SLC35F3: variants seen among roughly 807,000 people sequenced by gnomAD.
SLC35F3 encodes the protein putative thiamine transporter SLC35F3.
SLC35F3 carries 25 observed loss-of-function variants against 49.9 expected under a neutral mutation model. The ratio of observed to expected loss-of-function variants is 0.50; its 90% CI spans 0.37 to 0.70. The LOEUF is 0.70. SLC35F3 is among the 30% of genes least tolerant of loss of function. The pLI is 0.00. For missense variants in SLC35F3, 525 were observed against 639.8 expected (o/e 0.82, Z 1.94); for synonymous variants, 275 against 265.4 (o/e 1.04, Z -0.35).
chr1:234,234,177 C>T (rs1277830398), intron 3 of SLC35F3, among the ~76,000 whole-genome samples: 1 of 152,170 alleles, frequency 6.6e-6, no homozygotes, highest in Admixed American at 6.5e-5. Flanking sequence ...TTTGATTTGT[C>T]TGAGGAGATG....
intron 2 of SLC35F3, among the ~76,000 whole-genome samples, chr1:234,103,213 G>C (rs564502813): frequency 2.0e-5 from 3 of 152,256 alleles, no homozygotes; most frequent in African/African-American, 7.2e-5. Flanking sequence ...GCTATGAAAA[G>C]GTGACTAACA....
intron 2 of SLC35F3, among the ~76,000 whole-genome samples, chr1:234,142,003 C>G (rs561510992): frequency 6.6e-6 from 1 of 152,308 alleles, no homozygotes; most frequent in Non-Finnish European, 1.5e-5. Context: ...GTGCATCTCT[C>G]TTCTTCACCA....
At chr1:234,245,030 G>A (rs907213673) in intron 3 of SLC35F3, among the ~76,000 whole-genome samples, 8 of 151,884 alleles carry the variant, frequency 5.3e-5, no homozygotes, top group East Asian at 3.8e-4. Flanking sequence ...GCTAAGCATC[G>A]TCACCCTAGT....
intron 2 of SLC35F3, among the ~76,000 whole-genome samples, chr1:233,921,501 C>A (rs1377304667): frequency 1.3e-5 from 2 of 152,166 alleles, no homozygotes; most frequent in African/African-American, 4.8e-5. Flanking sequence ...AGTATCATAA[C>A]GAATAGTTTC....
chr1:233,907,861 G>A (rs964772351), intron 2 of SLC35F3, among the ~76,000 whole-genome samples: 4 of 152,148 alleles, frequency 2.6e-5, no homozygotes, highest in African/African-American at 9.7e-5. Context: ...GCGTAGCTGG[G>A]ATTACAGGCG....
chr1:233,916,736 G>A (rs1196236416), intron 2 of SLC35F3, among the ~76,000 whole-genome samples: 1 of 152,230 alleles, frequency 6.6e-6, no homozygotes, highest in Admixed American at 6.5e-5. Flanking sequence ...GAGTTCCTAT[G>A]TGGTGGCTGG....
intron 2 of SLC35F3, among the ~76,000 whole-genome samples, chr1:233,909,191 G>T (rs1043944261): frequency 4.6e-5 from 7 of 152,096 alleles, no homozygotes; most frequent in African/African-American, 1.7e-4. Context: ...AAGGCTCCTG[G>T]GTCTGAAAGG....
intron 2 of SLC35F3, among the ~76,000 whole-genome samples, chr1:233,987,752 C>T (rs1663289620): frequency 6.6e-6 from 1 of 152,148 alleles, no homozygotes; most frequent in South Asian, 2.1e-4. Context: ...ACCTGTTACT[C>T]AGATGTTGGA....
intron 2 of SLC35F3, among the ~76,000 whole-genome samples, chr1:233,912,115 A>G (rs1408385262): frequency 1.3e-5 from 2 of 152,124 alleles, no homozygotes; most frequent in African/African-American, 4.8e-5. Flanking sequence ...AGTTTTTTTA[A>G]TGTCTGGAGG....
chr1:233,919,463 C>G (rs1218328495), intron 2 of SLC35F3, among the ~76,000 whole-genome samples: 2 of 152,138 alleles, frequency 1.3e-5, no homozygotes, highest in Admixed American at 1.3e-4. Context: ...TAAAGGAAAT[C>G]TGTTTTTTCA....
chr1:233,999,872 G>T (rs1663524041), intron 2 of SLC35F3, among the ~76,000 whole-genome samples: 1 of 152,118 alleles, frequency 6.6e-6, no homozygotes, highest in African/African-American at 2.4e-5. Context: ...ACCAAACACA[G>T]AAGATGATAA....
intron 7 of SLC35F3, among the ~76,000 whole-genome samples, chr1:234,321,684 TA>T (rs1022126250): frequency 3.9e-5 from 6 of 152,234 alleles, no homozygotes; most frequent in African/African-American, 1.4e-4. Context: ...ACCTGCAACA[TA>T]AAAGGTTTAA....
intron 2 of SLC35F3, among the ~76,000 whole-genome samples, chr1:234,007,811 T>C (rs1218988108): frequency 1.3e-5 from 2 of 152,292 alleles, no homozygotes; most frequent in African/African-American, 2.4e-5. Flanking sequence ...ATGCTTAGAA[T>C]TGGTCATTAA....
chr1:234,111,995 C>T (rs896544298), intron 2 of SLC35F3, among the ~76,000 whole-genome samples: 10 of 152,026 alleles, frequency 6.6e-5, no homozygotes, highest in African/African-American at 2.4e-4. Flanking sequence ...GCAGGCCATG[C>T]TTTCGGCAGA....
chr1:234,267,734 T>C (rs1465230893), intron 3 of SLC35F3, among the ~76,000 whole-genome samples: 4 of 143,470 alleles, frequency 2.8e-5, no homozygotes, highest in Non-Finnish European at 6.1e-5. Flanking sequence ...TCCTCACTTC[T>C]CAGACGGGGC....
intron 2 of SLC35F3, among the ~76,000 whole-genome samples, chr1:234,151,524 A>G (rs978842855): frequency 2.6e-5 from 4 of 152,052 alleles, no homozygotes; most frequent in African/African-American, 7.2e-5. Context: ...AAAATTATAT[A>G]AGATGTGAAA....
chr1:234,284,153 C>T (rs556133763), intron 3 of SLC35F3, among the ~76,000 whole-genome samples: 3 of 152,212 alleles, frequency 2.0e-5, no homozygotes, highest in Non-Finnish European at 4.4e-5. Context: ...AATCCTCCCA[C>T]CTTGGCCTCC....
chr1:234,244,464 C>A (rs772682356), intron 3 of SLC35F3, among the ~76,000 whole-genome samples: 1 of 152,062 alleles, frequency 6.6e-6, no homozygotes, highest in Admixed American at 6.6e-5. Flanking sequence ...GATCAGCTCT[C>A]GGCAGGCAGT....
chr1:234,042,929 C>T (rs1356092176), intron 2 of SLC35F3, among the ~76,000 whole-genome samples: 3 of 152,198 alleles, frequency 2.0e-5, no homozygotes, highest in Non-Finnish European at 4.4e-5. Flanking sequence ...AACTTCTTAA[C>T]TGTTTTGGTT....
Sources: allele counts gnomAD v4.1 joint callset (sites outside exome capture counted in the v4.1 genomes callset), GRCh38; gene constraint gnomAD v4.1.1; transcripts MANE v1.5; gene names NCBI Gene and HGNC (gene_info 2026-07-23, HGNC 2026-07-21).